Variants in SYNE2 observed in about 807,000 individuals in gnomAD.
The protein encoded by SYNE2 is nesprin-2.
SYNE2 carries 431 observed loss-of-function variants against 856.3 expected under a neutral mutation model. The ratio of observed to expected loss-of-function variants is 0.50; its 90% CI spans 0.47 to 0.55. The LOEUF is 0.55. SYNE2 is among the 20% of genes least tolerant of loss of function. The pLI, the probability that SYNE2 is intolerant of heterozygous loss-of-function variation, is 0.00. For missense variants in SYNE2, 8,129 were observed against 8,023.2 expected, an observed-to-expected ratio of 1.01 and a Z score of -0.50; for synonymous variants, 2,923 against 2,872.3, an observed-to-expected ratio of 1.02 and a Z score of -0.56.
chr14:63,879,919 G>T (rs2094819854), intron 1 of SYNE2, among the ~76,000 whole-genome samples: 1 of 152,146 alleles, frequency 6.6e-6, no homozygotes, highest in African/African-American at 2.4e-5. Flanking sequence ...AATCTCTAAA[G>T]TTAGGTTTAG....
Position 64,075,972 on chromosome 14 carries a change from A to G in SYNE2, c.10894A>G (p.Lys3632Glu). The change falls in exon 54 of 116, where the codon AAA becomes GAA. Residue 3632 changes from lysine (K) to glutamate (E), a missense_variant. By Grantham distance (56) the Lys-to-Glu change is moderately conservative. Transcript: ENST00000555002. Reference protein sequence around the residue: ...EELQSILKKGKLTFENIMEKL... With the variant: ...EELQSILKKGELTFENIMEKL... ...GCTTCAAAGCATCCTTAAGAAAGGG[A>G]AACTAACTTTTGAGAATATTATGGA... 2 of 1,613,912 alleles carry G rather than the reference A, an allele frequency of 1.2e-6. No homozygotes were observed. Among genetic ancestry groups the G allele is most frequent in the Non-Finnish European group, 1.7e-6 (2 of 1,179,862 alleles).
In SYNE2 at chr14:64,007,193, G is replaced by C. The variant is rs747494838; in HGVS notation, c.4548G>C (p.Trp1516Cys). The C allele has an allele frequency of 1.9e-6, 3 of 1,614,134 alleles. No individual in the cohort carries two copies. In the East Asian group the frequency reaches 6.7e-5, roughly 36 times the overall value. ...NQQCQNTVVL[W>C]ENTKALVTEC... ...AGTGCCAAAATACAGTAGTCTTGTG[G>C]GAGAATACCAAAGCCTTGGTCACCG... The change falls in exon 31 of 116, where the codon TGG becomes TGC. Residue 1516 changes from tryptophan to cysteine, a missense_variant. Around this residue, in one of 3 missense-constraint regions of SYNE2, gnomAD observed 2,422 missense variants for 2,357.4 expected, o/e 1.03. Coordinates refer to ENST00000555002, the MANE Select transcript of SYNE2 (RefSeq NM_182914.3).
At chr14:63,872,761 C>CAAAAAAAAA (rs36125169) in intron 1 of SYNE2, among the ~76,000 whole-genome samples, 1 of 87,770 alleles carries the variant, frequency 1.1e-5, no homozygotes, top group Non-Finnish European at 2.1e-5. Context: ...GACTCTGCCT[C>CAAAAAAAAA]AAAAAAAAAA....
chr14:64,002,845 CA>C lies in SYNE2; in HGVS notation c.3916del (p.Thr1306HisfsTer6). 1 of 1,614,054 alleles carries C rather than the reference CA, an allele frequency of 6.2e-7. No homozygotes were observed. ...CAATGCAGAATATTATACTGAAATA[CA>C]AAACACAATTTGAAGGAATGAACCA... ...HAMQNIILKY[K>X]TQFEGMNHRV... On this transcript the variant is annotated frameshift_variant, in exon 30 of 116. Coordinates refer to ENST00000555002, the MANE Select transcript of SYNE2 (RefSeq NM_182914.3). LOFTEE classifies it high-confidence loss of function.
intron 1 of SYNE2, among the ~76,000 whole-genome samples, chr14:63,811,647 A>G (rs182872544): frequency 6.6e-6 from 1 of 152,312 alleles, no homozygotes; most frequent in East Asian, 1.9e-4. Context: ...CAATATTTCA[A>G]CGTAGGTTCT....
chr14:63,983,039 C>G (rs1594652933), intron 17 of SYNE2, among the ~76,000 whole-genome samples: 1 of 152,274 alleles, frequency 6.6e-6, no homozygotes, highest in South Asian at 2.1e-4. Context: ...TATAGATTAG[C>G]CTATTCTGGA....
intron 108 of SYNE2, among the ~76,000 whole-genome samples, chr14:64,217,286 C>T (rs1208766494): frequency 1.3e-5 from 2 of 148,890 alleles, no homozygotes; most frequent in Non-Finnish European, 1.5e-5. Context: ...CTGTATTGGT[C>T]GTGATTATTA....
chr14:64,098,540 C>A, intron 62 of SYNE2: 2 of 622,062 alleles, frequency 3.2e-6, no homozygotes, highest in South Asian at 1.9e-5. Flanking sequence ...GCACAGGGGG[C>A]CATGAAAATA....
Position 64,082,904 on chromosome 14 carries a change from T to G in SYNE2, c.11484+1324T>G, listed in dbSNP as rs114453969. ...CTTACAAAGTCAAAACAAATGAAAGTGTTTTCCCACTTGAGGCCTCGGCTG... is the reference window on the plus strand; with the variant it reads ...CTTACAAAGTCAAAACAAATGAAAGGGTTTTCCCACTTGAGGCCTCGGCTG... On this transcript the variant is annotated intron_variant, in intron 57 of 115. Coordinates refer to ENST00000555002, the MANE Select transcript of SYNE2 (RefSeq NM_182914.3). Among the ~76,000 whole-genome samples, 988 of 152,258 alleles carry G rather than the reference T, an allele frequency of 6.5e-3. 13 individuals carry two copies. Among genetic ancestry groups the G allele is most frequent in the African/African-American group, 0.023 (961 of 41,564 alleles).
At chr14:64,214,085 C>G in intron 105 of SYNE2, 109 bp from the exon 106 acceptor site, 1 of 1,523,460 alleles carries the variant, frequency 6.6e-7, no homozygotes, top group Middle Eastern at 1.8e-4. Flanking sequence ...CTTAGAAATA[C>G]TATTGGCAGT....
intron 8 of SYNE2, 98 bp downstream of exon 8, chr14:63,955,013 A>G (rs1159516192): frequency 7.0e-6 from 7 of 995,422 alleles, no homozygotes; most frequent in East Asian, 2.5e-5. Flanking sequence ...GTGGCACTCT[A>G]TTTTAGTCCT....
intron 95 of SYNE2, among the ~76,000 whole-genome samples, chr14:64,176,833 T>C (rs759408923): frequency 3.3e-5 from 5 of 152,080 alleles, no homozygotes; most frequent in Admixed American, 6.5e-5. Flanking sequence ...AGTCTTGCTC[T>C]GTCACCCAGG....
At chr14:63,869,734 G>C (rs1896405220) in intron 1 of SYNE2, among the ~76,000 whole-genome samples, 1 of 150,824 alleles carries the variant, frequency 6.6e-6, no homozygotes, top group African/African-American at 2.4e-5. Context: ...TAAAATGTTA[G>C]CTTCCTTCTT....
rs146473593 is a variant in SYNE2 at position 63,815,757 on chromosome 14, G to A, written c.-304-36744G>A. ...GGTATGGACAACCTTCGTGCCTAAT[G>A]CTGTATGGGCCACTCAGAAAATTCA... is the stretch of plus-strand genomic sequence containing the variant. On this transcript the variant is annotated intron_variant, in intron 1 of 23. Coordinates refer to the SYNE2 transcript ENST00000674003. Among the ~76,000 whole-genome samples, 61 of 152,074 alleles carry A rather than the reference G, an allele frequency of 4.0e-4. 1 individual carries two copies. The East Asian group carries it at 0.012, about 29-fold the overall frequency.
chr14:64,197,682 G>A (rs2098546208), intron 99 of SYNE2, among the ~76,000 whole-genome samples: 1 of 152,124 alleles, frequency 6.6e-6, no homozygotes, highest in South Asian at 2.1e-4. Flanking sequence ...GTAGACTCCT[G>A]AGCACAGAGG....
chr14:63,839,991 G>A (rs1036302553), intron 1 of SYNE2, among the ~76,000 whole-genome samples: 5 of 152,154 alleles, frequency 3.3e-5, no homozygotes, highest in East Asian at 3.8e-4. Context: ...TTTTGGGGCC[G>A]GGCACGGTGG....
intron 70 of SYNE2, 188 bp downstream of exon 70, chr14:64,122,615 G>T: frequency 5.6e-6 from 4 of 711,744 alleles, no homozygotes; most frequent in Non-Finnish European, 9.7e-6. Context: ...GTAGCACCCA[G>T]GGCTTCCCTC....
chr14:64,025,276 A>T lies in SYNE2; in HGVS notation c.6107A>T (p.Asp2036Val). ...LRQLSEIEEE[D>V]KLLPTEDQSF... ...CAACTAAGTGAAATCGAGGAAGAGG[A>T]TAAGTTACTACCCACAGAGGACCAG... The change falls in exon 41 of 116, where the codon GAT (aspartate) becomes GTT (valine). Residue 2036 changes from aspartate to valine, a missense_variant. Physicochemically the swap from Asp to Val is radical, Grantham distance 152. Coordinates refer to ENST00000555002, the MANE Select transcript of SYNE2 (RefSeq NM_182914.3). 6.2e-7 allele frequency: 1 copy of T among 1,614,160 alleles called. No individual in the cohort carries two copies. Among genetic ancestry groups the T allele is most frequent in the Non-Finnish European group, 8.5e-7 (1 of 1,179,996 alleles).
chr14:64,065,159 G>A (rs1276686335), intron 50 of SYNE2, among the ~76,000 whole-genome samples: 1 of 152,116 alleles, frequency 6.6e-6, no homozygotes, highest in Non-Finnish European at 1.5e-5. Flanking sequence ...CACTGCGTCT[G>A]GCAAATATTT....
Sources: gnomAD v4.1 joint callset for allele counts (sites outside exome capture counted in the v4.1 genomes callset) on GRCh38, gnomAD v4.1.1 for gene constraint, gnomAD v4.1.1 regional missense constraint, MANE v1.5 for transcripts, NCBI Gene and HGNC (gene_info 2026-07-23, HGNC 2026-07-21) for gene names.